Variants in NEMP2 observed in about 807,000 individuals in gnomAD.
NEMP2 encodes the protein UPF0571 transmembrane protein.
NEMP2 carries 53 observed loss-of-function variants against 54.2 expected under a neutral mutation model. The observed-to-expected ratio is 0.98, with a 90% CI of 0.78 to 1.23. The LOEUF (loss-of-function observed/expected upper bound fraction) is 1.23, where lower values mean the gene tolerates loss of function less well. NEMP2 is among the 50% of genes most tolerant of loss of function. NEMP2 has a pLI of 0.00. For synonymous variants in NEMP2, 197 were observed against 190.3 expected, an observed-to-expected ratio of 1.04 and a Z score of -0.29; for missense variants, 455 against 511.3, an observed-to-expected ratio of 0.89 and a Z score of 1.06.
chr2:190,627,187 A>G, the NEMP2 span, among the ~76,000 whole-genome samples: 1 of 152,254 alleles, frequency 6.6e-6, no homozygotes. The surrounding 1 kb of genome is among the most constrained non-coding windows in gnomAD (Gnocchi z 4.4). Flanking sequence ...TCCCAAGCTT[A>G]GCACTGTGCC....
chr2:190,603,055 T>G, the NEMP2 span, among the ~76,000 whole-genome samples: 1 of 152,196 alleles, frequency 6.6e-6, no homozygotes, highest in South Asian at 2.1e-4. Flanking sequence ...AATTTTCCTT[T>G]GAGGAAAATT....
the NEMP2 span, among the ~76,000 whole-genome samples, chr2:190,429,593 G>A: frequency 6.6e-6 from 1 of 152,026 alleles, no homozygotes; most frequent in Non-Finnish European, 1.5e-5. Flanking sequence ...AGGATTACAG[G>A]TATGAGCTAC....
chr2:190,433,170 G>T, the NEMP2 span, among the ~76,000 whole-genome samples: 3 of 152,166 alleles, frequency 2.0e-5, no homozygotes, highest in Non-Finnish European at 4.4e-5. This position sits in a 1 kb window ranked among gnomAD's most constrained non-coding sequence, Gnocchi z 4.5. Flanking sequence ...GTTCAGGGAA[G>T]GATTCAAACT....
At chr2:190,452,266 C>T in the NEMP2 span, among the ~76,000 whole-genome samples, 1 of 151,920 alleles carries the variant, frequency 6.6e-6, no homozygotes, top group Non-Finnish European at 1.5e-5. Flanking sequence ...AAAACAACAA[C>T]AATAACACAA....
rs944736276 is a variant in NEMP2 at position 190,534,000 on chromosome 2, A to T, written c.97+559T>A. On this transcript the variant is annotated intron_variant, in intron 1 of 8. Coordinates refer to ENST00000409150, the MANE Select transcript of NEMP2 (RefSeq NM_001142645.2). This position sits in a 1 kb window ranked among gnomAD's most constrained non-coding sequence, Gnocchi z 4.3. Reference sequence around the variant, plus strand: ...ACACGAACACCACAAGAACCTTGTGAGGCCTCATTACCTGCCGCTCACGTG... The same window carrying T: ...ACACGAACACCACAAGAACCTTGTGTGGCCTCATTACCTGCCGCTCACGTG... The T allele has an allele frequency of 1.0e-6, 1 of 985,218 alleles. No homozygotes were observed. Among genetic ancestry groups the T allele is most frequent in the East Asian group, 1.1e-4 (1 of 8,788 alleles). 61.0% of individuals were successfully genotyped at this position (985,218 alleles called of 1,614,324 possible). A position where few individuals can be genotyped will look rare whatever the true frequency, so the allele number is the denominator to read the frequency against.
At chr2:190,429,892 A>G in the NEMP2 span, among the ~76,000 whole-genome samples, 1 of 151,964 alleles carries the variant, frequency 6.6e-6, no homozygotes, top group African/African-American at 2.4e-5. Flanking sequence ...ACATGTGTAC[A>G]ATGTGCAGAT....
chr2:190,578,777 G>A, the NEMP2 span, among the ~76,000 whole-genome samples: 1 of 150,606 alleles, frequency 6.6e-6, no homozygotes, highest in African/African-American at 2.5e-5. The surrounding 1 kb of genome is among the most constrained non-coding windows in gnomAD (Gnocchi z 4.4). Flanking sequence ...AGGGGTGGAG[G>A]GAAAAAAAAA....
At chr2:190,429,532 TG>T in the NEMP2 span, among the ~76,000 whole-genome samples, 1 of 152,090 alleles carries the variant, frequency 6.6e-6, no homozygotes, top group Non-Finnish European at 1.5e-5. Flanking sequence ...TTCATCATGT[TG>T]GCCAGCCTGG....
chr2:190,468,809 C>T, the NEMP2 span, among the ~76,000 whole-genome samples: 2 of 151,960 alleles, frequency 1.3e-5, no homozygotes, highest in Non-Finnish European at 1.5e-5. Context: ...CACTGATTAT[C>T]GTGTTGGTTT....
the NEMP2 span, chr2:190,437,110 A>G: frequency 6.2e-7 from 1 of 1,614,228 alleles, no homozygotes; most frequent in East Asian, 2.2e-5. This position sits in a 1 kb window ranked among gnomAD's most constrained non-coding sequence, Gnocchi z 5.9. Flanking sequence ...AAAGGGGTGT[A>G]AGCCCCCCGA....
chr2:190,602,747 A>G, the NEMP2 span, among the ~76,000 whole-genome samples: 1 of 152,134 alleles, frequency 6.6e-6, no homozygotes, highest in Non-Finnish European at 1.5e-5. Context: ...TGGGGCAGAG[A>G]ATGGGGAGAA....
rs1462376350 is a variant in NEMP2 at position 190,514,578 on chromosome 2, T to C, written c.828A>G (p.Arg276=). The change falls in exon 7 of 9, where the codon CGA becomes CGG. Residue 276 remains arginine (R), a synonymous_variant. Transcript: ENST00000409150. The surrounding 1 kb of genome is among the most constrained non-coding windows in gnomAD (Gnocchi z 5.7). The part of the protein sequence containing the change: ...RSRSLLMWML[R]LLSLVLVYAG... ...CATAGACCAGAACCAGGGAGAGGAG[T>C]CGCAGCATCCACATCAGAAGACTTC... 1 of 1,549,628 alleles carries C rather than the reference T, an allele frequency of 6.5e-7. No homozygotes were observed. The highest frequency in any genetic ancestry group is 2.0e-5 in the Admixed American group (1 of 50,820).
the NEMP2 span, among the ~76,000 whole-genome samples, chr2:190,572,873 A>ATATATGTATG: frequency 3.6e-5 from 4 of 110,330 alleles, no homozygotes; most frequent in Non-Finnish European, 7.6e-5. Context: ...ATATATATAT[A>ATATATGTATG]TATGTATATA....
the NEMP2 span, among the ~76,000 whole-genome samples, chr2:190,560,056 G>GC: frequency 1.3e-5 from 2 of 152,366 alleles, no homozygotes; most frequent in East Asian, 3.9e-4. The surrounding 1 kb of genome is among the most constrained non-coding windows in gnomAD (Gnocchi z 5.4). Context: ...GTGTGGGCCA[G>GC]ACTCAGGACA....
chr2:190,551,348 ATCTTTT>A, the NEMP2 span, among the ~76,000 whole-genome samples: 1 of 150,030 alleles, frequency 6.7e-6, no homozygotes, highest in Non-Finnish European at 1.5e-5. Context: ...AATGGTTTTA[ATCTTTT>A]TCTTTATTTC....
rs774996621 is a variant in NEMP2, at chr2:190,525,743, G to A, written c.98-365C>T. On this transcript the variant is annotated intron_variant, in intron 1 of 8. Transcript: ENST00000409150. The surrounding 1 kb of genome is among the most constrained non-coding windows in gnomAD (Gnocchi z 5.0). ...ACAGAAACTAGGAGGTGGGAGTGGG[G>A]GTGGGCAGAACCAGCAAGTATGTAC... Among the ~76,000 whole-genome samples the A allele has an allele frequency of 1.6e-4, 24 of 152,112 alleles. No individual in the cohort carries two copies. The highest frequency in any genetic ancestry group is 2.6e-4 in the Admixed American group (4 of 15,274).
Position 190,514,544 on chromosome 2 carries a change from C to T in NEMP2, c.862G>A (p.Ala288Thr). 1 of 1,551,704 alleles carries T rather than the reference C, an allele frequency of 6.4e-7. No homozygotes were observed. The highest frequency in any genetic ancestry group is 8.7e-7 in the Non-Finnish European group (1 of 1,146,990). ...GCTGCATAGGCAAACTGAGGCACGG[C>T]CACACCAGCATAGACCAGAACCAGG... Reference protein sequence around the residue: ...LSLVLVYAGVAVPQFAYAAII... With the variant: ...LSLVLVYAGVTVPQFAYAAII... Residue 288 changes from alanine (A) to threonine (T), a missense_variant, in exon 7 of 9, where the codon GCC becomes ACC. Coordinates refer to ENST00000409150, the MANE Select transcript of NEMP2 (RefSeq NM_001142645.2). The surrounding 1 kb of genome is among the most constrained non-coding windows in gnomAD (Gnocchi z 5.7).
At chr2:190,580,759 C>A in the NEMP2 span, among the ~76,000 whole-genome samples, 2 of 152,174 alleles carry the variant, frequency 1.3e-5, no homozygotes, top group Non-Finnish European at 2.9e-5. The surrounding 1 kb of genome is among the most constrained non-coding windows in gnomAD (Gnocchi z 5.3). Context: ...CACAGACTGA[C>A]ATTACCCAGG....
At chr2:190,441,130 C>T in the NEMP2 span, among the ~76,000 whole-genome samples, 1 of 152,134 alleles carries the variant, frequency 6.6e-6, no homozygotes, top group Admixed American at 6.5e-5. Context: ...CTTATTTCTA[C>T]CCATCTCTTT....
Sources: gnomAD v4.1 joint callset for allele counts (sites outside exome capture counted in the v4.1 genomes callset) on GRCh38, gnomAD v4.1.1 for gene constraint, Gnocchi (gnomAD v3.1) non-coding constraint, MANE v1.5 for transcripts, NCBI Gene and HGNC (gene_info 2026-07-23, HGNC 2026-07-21) for gene names.